Variants in RGL1 observed in about 807,000 individuals in gnomAD.
RGL1 encodes ral guanine nucleotide dissociation stimulator-like 1.
RGL1 carries 24 observed loss-of-function variants against 95.2 expected under a neutral mutation model. The observed-to-expected ratio is 0.25, with a 90% CI of 0.18 to 0.35. The LOEUF (loss-of-function observed/expected upper bound fraction) is 0.35. Among genes scored for constraint, RGL1 ranks in the 10% least tolerant of loss-of-function variants. RGL1 has a pLI of 1.00. For synonymous variants in RGL1, 329 were observed against 344.9 expected (o/e 0.95, Z 0.51); for missense variants, 715 against 936.3 (o/e 0.76, Z 3.08).
At chr1:183,720,059 A>G (rs115699830) in intron 1 of RGL1, among the ~76,000 whole-genome samples, 166 of 152,300 alleles carry the variant, frequency 1.1e-3, no homozygotes, top group African/African-American at 3.8e-3. Flanking sequence ...AAACTGGAAG[A>G]TGAAGGTAAA....
intron 2 of RGL1, among the ~76,000 whole-genome samples, chr1:183,839,568 C>A (rs1228413551): frequency 6.6e-6 from 1 of 152,190 alleles, no homozygotes; most frequent in African/African-American, 2.4e-5. Context: ...TCTGGAATAT[C>A]CACAACTTTC....
chr1:183,926,054 C>T lies in RGL1; in HGVS notation c.2120-51C>T, dbSNP rs139443468. 3,457 of 1,535,742 alleles carry T rather than the reference C, an allele frequency of 2.3e-3. 15 individuals are homozygous for T. The highest frequency in any genetic ancestry group is 0.011 in the African/African-American group (775 of 73,584). The stretch of plus-strand genomic sequence containing the variant: ...AGGTTTACAGCTGCCGTTGTCAGTA[C>T]TGAGCTGACCTCCACAAGCTGACCA... On this transcript the variant is annotated intron_variant, in intron 17 of 17. Transcript: ENST00000360851.
chr1:183,880,760 T>C lies in RGL1; in HGVS notation c.570T>C (p.Asn190=). ...CTGACCCAGAAAGAAGAGCACAAAA[T>C]CTTCTTGAGCAGTTTCAGAAGCAAG... ...PGSDPERRAQ[N]LLEQFQKQEV... is the part of the protein sequence containing the mutation. Residue 190 remains asparagine (N), a synonymous_variant, in exon 5 of 18, where the codon AAT becomes AAC. Transcript: ENST00000360851. 1 of 1,613,906 alleles carries C rather than the reference T, an allele frequency of 6.2e-7. No individual in the cohort carries two copies. The highest frequency in any genetic ancestry group is 2.2e-5 in the East Asian group (1 of 44,864).
chr1:183,911,502 C>T (rs1212587125), intron 14 of RGL1, among the ~76,000 whole-genome samples: 1 of 152,226 alleles, frequency 6.6e-6, no homozygotes, highest in Non-Finnish European at 1.5e-5. Flanking sequence ...CACTCCCCCA[C>T]CAGAGCAGCT....
At chr1:183,887,247 A>G (rs1245576458) in intron 7 of RGL1, among the ~76,000 whole-genome samples, 1 of 41,734 alleles carries the variant, frequency 2.4e-5, no homozygotes, top group Non-Finnish European at 4.9e-5. Context: ...TAAGGGGAGG[A>G]CATTGAGGCA....
intron 3 of RGL1, among the ~76,000 whole-genome samples, chr1:183,849,725 A>G (rs73047530): frequency 0.13 from 20,323 of 151,922 alleles, 1,791 homozygotes; most frequent in Middle Eastern, 0.23. Flanking sequence ...TCTTGACCTC[A>G]TGATCTGCCG....
chr1:183,650,069 T>A (rs1650607337), intron 1 of RGL1, among the ~76,000 whole-genome samples: 1 of 152,162 alleles, frequency 6.6e-6, no homozygotes, highest in Admixed American at 6.5e-5. Context: ...TACCTTGGCC[T>A]CCCAAAGTGC....
At chr1:183,856,640 A>T (rs180743522) in intron 3 of RGL1, among the ~76,000 whole-genome samples, 3,006 of 148,174 alleles carry the variant, frequency 0.02, 41 homozygotes, top group Non-Finnish European at 0.031. Context: ...ATATATTTTT[A>T]TATATATATA....
At chr1:183,659,517 A>G (rs548172987) in intron 1 of RGL1, among the ~76,000 whole-genome samples, 1 of 152,152 alleles carries the variant, frequency 6.6e-6, no homozygotes, top group Non-Finnish European at 1.5e-5. Context: ...AAAAAGAATA[A>G]AAAGAAACGA....
chr1:183,666,151 A>G (rs1350410870), intron 1 of RGL1, among the ~76,000 whole-genome samples: 3 of 151,718 alleles, frequency 2.0e-5, no homozygotes, highest in East Asian at 3.9e-4. Context: ...GATTACAGGC[A>G]TGCACCACCA....
intron 2 of RGL1, among the ~76,000 whole-genome samples, chr1:183,815,239 A>T (rs975608209): frequency 2.0e-5 from 3 of 151,364 alleles, no homozygotes; most frequent in Non-Finnish European, 4.4e-5. Context: ...GTGCCACTGC[A>T]CTCTAGCCTG....
chr1:183,797,159 G>A lies in RGL1; in HGVS notation c.133-9216G>A, dbSNP rs745496979. On this transcript the variant is annotated intron_variant, in intron 2 of 18. Transcript: ENST00000304685. ...AGCCTGGCCAACATGGCGAAACCCC[G>A]TCTCTATAAAAAATACAAAATTAGC... Among the ~76,000 whole-genome samples the A allele has an allele frequency of 4.7e-4, 72 of 151,880 alleles. 1 individual carries two copies. The highest frequency in any genetic ancestry group is 5.1e-4 in the African/African-American group (21 of 41,402).
chr1:183,729,705 C>G (rs1351991233), intron 1 of RGL1, among the ~76,000 whole-genome samples: 6 of 152,190 alleles, frequency 3.9e-5, no homozygotes, highest in Non-Finnish European at 1.5e-5. Context: ...TAAAGTAACC[C>G]AAACTGGAAA....
intron 1 of RGL1, among the ~76,000 whole-genome samples, chr1:183,690,666 T>C (rs1653887873): frequency 1.3e-5 from 2 of 151,842 alleles, no homozygotes; most frequent in Admixed American, 6.6e-5. Context: ...CAAATGAAAA[T>C]ATACTTAATT....
intron 11 of RGL1, 125 bp downstream of exon 11, chr1:183,900,361 G>T: frequency 1.5e-6 from 1 of 671,608 alleles, no homozygotes; most frequent in East Asian, 2.7e-5. Flanking sequence ...TAGCTGTTAG[G>T]AGGAATACAA....
At chr1:183,913,505 C>G (rs575768933) in intron 15 of RGL1, among the ~76,000 whole-genome samples, 1 of 152,274 alleles carries the variant, frequency 6.6e-6, no homozygotes, top group South Asian at 2.1e-4. Context: ...TGTTAATCTT[C>G]TGTACACATC....
At chr1:183,736,685 A>G (rs1187022949) in intron 1 of RGL1, among the ~76,000 whole-genome samples, 1 of 152,238 alleles carries the variant, frequency 6.6e-6, no homozygotes, top group East Asian at 1.9e-4. Flanking sequence ...GAGGAAAGAA[A>G]TGGCAGAAAG....
At chr1:183,794,652 C>T (rs1056724258) in intron 2 of RGL1, among the ~76,000 whole-genome samples, 3 of 152,222 alleles carry the variant, frequency 2.0e-5, no homozygotes, top group African/African-American at 7.2e-5. Context: ...ACCTCATTTA[C>T]CTGAACTATA....
At chr1:183,844,503 G>C (rs1572492323) in intron 2 of RGL1, among the ~76,000 whole-genome samples, 1 of 152,160 alleles carries the variant, frequency 6.6e-6, no homozygotes, top group South Asian at 2.1e-4. Flanking sequence ...TGGCATATGA[G>C]AAATTCTGCA....
Sources: gnomAD v4.1 joint callset for allele counts (sites outside exome capture counted in the v4.1 genomes callset) on GRCh38, gnomAD v4.1.1 for gene constraint, MANE v1.5 for transcripts, NCBI Gene and HGNC (gene_info 2026-07-23, HGNC 2026-07-21) for gene names.